CD276: variants seen among roughly 807,000 people sequenced by gnomAD.
The protein encoded by CD276 is CD276 antigen.
In CD276, 34 loss-of-function variants were observed where a neutral mutation model predicts 50.0. That is an observed-to-expected ratio of 0.68 (90% CI 0.52 to 0.91). The LOEUF (loss-of-function observed/expected upper bound fraction) is 0.91, where lower values mean the gene tolerates loss of function less well. Ranked by LOEUF, CD276 falls within the 40% of genes least tolerant of loss-of-function variation. CD276 has a pLI of 0.00. For synonymous variants in CD276, 275 were observed against 313.0 expected (o/e 0.88, Z 1.28); for missense variants, 634 against 717.5 (o/e 0.88, Z 1.33).
At chr15:73,711,074 T>C in intron 8 of CD276, 61 bp from the exon 9 acceptor site, 3 of 1,583,658 alleles carry the variant, frequency 1.9e-6, no homozygotes, top group Non-Finnish European at 2.6e-6. Context: ...TCTGCCTGAC[T>C]CCCTACCCCA....
At chr15:73,690,583 G>A in intron 1 of CD276, 1 of 426,172 alleles carries the variant, frequency 2.3e-6, no homozygotes, top group South Asian at 1.7e-5. Flanking sequence ...TGAGCGTGCA[G>A]TACAGACAGT....
At chr15:73,694,922 C>A (rs1337389531) in intron 1 of CD276, among the ~76,000 whole-genome samples, 1 of 152,122 alleles carries the variant, frequency 6.6e-6, no homozygotes, top group Non-Finnish European at 1.5e-5. Context: ...ATCACTTGAG[C>A]CCAGGAGTTA....
intron 9 of CD276, among the ~76,000 whole-genome samples, 196 bp from the exon 10 acceptor site, chr15:73,712,737 GC>G (rs1295034656): frequency 1.3e-5 from 2 of 152,212 alleles, no homozygotes; most frequent in African/African-American, 4.8e-5. Context: ...GCCCCGGCGT[GC>G]CTGGCACCTG....
intron 6 of CD276, among the ~76,000 whole-genome samples, chr15:73,705,004 A>C (rs570496189): frequency 6.6e-6 from 1 of 152,298 alleles, no homozygotes; most frequent in East Asian, 1.9e-4. Flanking sequence ...GTGTGGTCAA[A>C]CACCAGATAG....
In CD276 at chr15:73,699,712, C is replaced by T; in HGVS notation, c.73C>T (p.Leu25Phe). 6.2e-7 allele frequency: 1 copy of T among 1,604,324 alleles called. No homozygotes were observed. Among genetic ancestry groups the T allele is most frequent in the Non-Finnish European group, 8.5e-7 (1 of 1,174,842 alleles). Reference sequence around the variant, plus strand: ...AGCCCTGGGAGCACTGTGGTTCTGCCTCACAGGTGAGGGTAGCAGCATGGG... The same window carrying T: ...AGCCCTGGGAGCACTGTGGTTCTGCTTCACAGGTGAGGGTAGCAGCATGGG... Reference protein sequence around the residue: ...GAALGALWFCLTGALEVQVPE... With the variant: ...GAALGALWFCFTGALEVQVPE... The change falls in exon 2 of 10, where the codon CTC (leucine) becomes TTC (phenylalanine). Residue 25 changes from leucine to phenylalanine, a missense_variant. Physicochemically the swap from Leu to Phe is conservative, Grantham distance 22. Coordinates refer to ENST00000318443, the MANE Select transcript of CD276 (RefSeq NM_001024736.2).
At position 73,703,008 on chromosome 15, in the gene CD276, A is replaced by G. The variant is rs752346401; in HGVS notation, c.655A>G (p.Ser219Gly). ...GGTGCTGGGTGCAAATGGCACCTAC[A>G]GCTGCCTGGTGCGCAACCCCGTGCT... ...RVVLGANGTYSCLVRNPVLQQ... is the reference protein window; with the variant it reads ...RVVLGANGTYGCLVRNPVLQQ... Residue 219 changes from serine to glycine, a missense_variant, in exon 4 of 10, where the codon AGC becomes GGC. Ser to Gly is a moderately conservative substitution (Grantham distance 56). Transcript: ENST00000318443. The G allele has an allele frequency of 9.3e-6, 15 of 1,613,966 alleles. No homozygotes were observed. Among genetic ancestry groups the G allele is most frequent in the Non-Finnish European group, 1.2e-5 (14 of 1,180,016 alleles).
intron 1 of CD276, among the ~76,000 whole-genome samples, chr15:73,698,263 C>T (rs1400996777): frequency 6.6e-6 from 1 of 152,208 alleles, no homozygotes; most frequent in African/African-American, 2.4e-5. Flanking sequence ...AGCAAATGTT[C>T]TCTCTCTGCA....
chr15:73,699,915 A>T (rs923426673), intron 2 of CD276, among the ~76,000 whole-genome samples, 197 bp downstream of exon 2: 5 of 152,286 alleles, frequency 3.3e-5, no homozygotes, highest in African/African-American at 1.2e-4. Context: ...AAATGGGAAC[A>T]TGAGTGCTAA....
intron 1 of CD276, among the ~76,000 whole-genome samples, chr15:73,692,700 C>T (rs934072010): frequency 2.5e-4 from 38 of 152,204 alleles, no homozygotes; most frequent in African/African-American, 3.1e-4. Context: ...TTTATATGTA[C>T]GATTCTTCAT....
rs11574475 is a variant in CD276, at chr15:73,700,304, G to T, written c.79+586G>T. 4.5e-3 allele frequency among the ~76,000 whole-genome samples: 682 copies of T among 152,280 alleles called. 4 individuals carry two copies. Among genetic ancestry groups the T allele is most frequent in the African/African-American group, 0.015 (626 of 41,544 alleles). On this transcript the variant is annotated intron_variant, in intron 2 of 9. Transcript: ENST00000318443. The stretch of plus-strand genomic sequence containing the variant: ...TGTGACTCTCCCCACACGGTGCTTG[G>T]CACACAGGAAGCACTCAATAATAAT...
At chr15:73,684,018 T>A (rs933415575), upstream of CD276, 7 of 152,280 alleles carry the variant, frequency 4.6e-5, no homozygotes, top group Non-Finnish European at 8.8e-5. Flanking sequence ...AAGACTGGGG[T>A]TGGACAGCAG....
At chr15:73,701,748 A>G (rs1029239010) in intron 2 of CD276, among the ~76,000 whole-genome samples, 5 of 151,464 alleles carry the variant, frequency 3.3e-5, no homozygotes, top group Admixed American at 1.3e-4. Context: ...AAAGAAAAAA[A>G]GAAAAAGCAC....
chr15:73,695,499 G>T (rs934520311), intron 1 of CD276, among the ~76,000 whole-genome samples: 1 of 152,140 alleles, frequency 6.6e-6, no homozygotes, highest in Non-Finnish European at 1.5e-5. Context: ...AAACTGCAGT[G>T]ATCTAACTGC....
In CD276 at chr15:73,704,025, C is replaced by G. The variant is rs1900538097; in HGVS notation, c.1072+28C>G. On this transcript the variant is annotated intron_variant, in intron 5 of 9. Transcript: ENST00000318443. This position sits in a 1 kb window ranked among gnomAD's most constrained non-coding sequence, Gnocchi z 4.1. ...GAGCACCAGGAGGGCGACGCCTTCC[C>G]CTTGGTTCACCCTCCATTCCCTCTG... 1 of 1,593,928 alleles carries G rather than the reference C, an allele frequency of 6.3e-7. No homozygotes were observed. The highest frequency in any genetic ancestry group is 8.5e-7 in the Non-Finnish European group (1 of 1,170,820).
chr15:73,689,188 C>CTGTGTG (rs58196751), intron 1 of CD276, among the ~76,000 whole-genome samples: 10,244 of 142,550 alleles, frequency 0.072, 464 homozygotes, highest in East Asian at 0.22. Context: ...TCTGTGCCTC[C>CTGTGTG]TGTGTGTGTG....
chr15:73,709,021 G>C (rs1596020687), intron 7 of CD276, among the ~76,000 whole-genome samples: 1 of 152,202 alleles, frequency 6.6e-6, no homozygotes, highest in South Asian at 2.1e-4. Context: ...AGATGCATGA[G>C]AGTAGATGGG....
intron 1 of CD276, among the ~76,000 whole-genome samples, chr15:73,698,044 A>T (rs1596008774): frequency 6.6e-6 from 1 of 152,150 alleles, no homozygotes; most frequent in Non-Finnish European, 1.5e-5. Context: ...GGACTCAGGG[A>T]CAAGGTGTGT....
chr15:73,699,542 G>A, intron 1 of CD276, 44 bp from the exon 2 acceptor site: 1 of 1,546,312 alleles, frequency 6.5e-7, no homozygotes, highest in Non-Finnish European at 8.7e-7. Context: ...GATGGTCTGG[G>A]GAGAACCTTT....
rs765084107 is a variant in CD276, at chr15:73,712,995, C to G, written c.*39C>G. The G allele has an allele frequency of 9.3e-6, 15 of 1,606,312 alleles. No individual in the cohort carries two copies. The South Asian group carries it at 1.7e-4, about 18-fold the overall frequency. ...GGAGCTGCTACCCCTCCCTACAGCTCCTACCCTCTGGCTGCAATGGGGCTG... is the reference window on the plus strand; with the variant it reads ...GGAGCTGCTACCCCTCCCTACAGCTGCTACCCTCTGGCTGCAATGGGGCTG... On this transcript the variant is annotated 3_prime_UTR_variant, in exon 10 of 10. Transcript: ENST00000318443.
Sources: gnomAD v4.1 joint callset for allele counts (sites outside exome capture counted in the v4.1 genomes callset) on GRCh38, gnomAD v4.1.1 for gene constraint, Gnocchi (gnomAD v3.1) non-coding constraint, MANE v1.5 for transcripts, NCBI Gene and HGNC (gene_info 2026-07-23, HGNC 2026-07-21) for gene names.